Variants in CUBN observed in about 807,000 individuals in gnomAD.
CUBN encodes 460 kDa receptor.
Under a neutral mutation model 405.3 loss-of-function variants are expected in CUBN, and 282 were observed. That is an observed-to-expected ratio of 0.70 (90% confidence interval 0.63 to 0.77). The LOEUF is 0.77. CUBN is among the 30% of genes least tolerant of loss of function. The probability of loss-of-function intolerance (pLI) is 0.00; values close to 1 mark genes in which losing one functional copy is unlikely to be tolerated. For missense variants in CUBN, 4,514 were observed against 4,475.2 expected (o/e 1.01, Z -0.25); for synonymous variants, 1,684 against 1,617.0 (o/e 1.04, Z -0.99).
intron 31 of CUBN, among the ~76,000 whole-genome samples, chr10:16,959,059 T>C (rs1005094132): frequency 6.6e-6 from 1 of 152,068 alleles, no homozygotes; most frequent in African/African-American, 2.4e-5. Flanking sequence ...GCCCTTTTTA[T>C]AGCAACATTA....
intron 55 of CUBN, among the ~76,000 whole-genome samples, chr10:16,889,974 A>G (rs1437807325): frequency 6.7e-6 from 1 of 149,512 alleles, no homozygotes; most frequent in Non-Finnish European, 1.5e-5. Flanking sequence ...TTCGTCATGG[A>G]AATTCTGAAT....
rs1027662397 is a variant in CUBN at position 17,087,296 on chromosome 10, A to G, written c.1947+868T>C. Among the ~76,000 whole-genome samples the G allele has an allele frequency of 2.6e-5, 4 of 152,044 alleles. No homozygotes were observed. The South Asian group carries it at 8.3e-4, about 32-fold the overall frequency. On this transcript the variant is annotated intron_variant, in intron 15 of 66. Coordinates refer to ENST00000377833, the MANE Select transcript of CUBN (RefSeq NM_001081.4). ...AATGAAGAGCAACACTTTTTGATGCACCTACGTACAAACGGCATTTGAATA... is the reference window on the plus strand; with the variant it reads ...AATGAAGAGCAACACTTTTTGATGCGCCTACGTACAAACGGCATTTGAATA...
Position 17,110,907 on chromosome 10 carries a change from C to A in CUBN, c.1015+12G>T, listed in dbSNP as rs1192363800. On this transcript the variant is annotated intron_variant, in intron 9 of 66. Transcript: ENST00000377833. ...CTGGGGTCAGGAGGTTGACATTGAA[C>A]CGAGGCAGCACCTGGTGGACAGGCC... is the stretch of plus-strand genomic sequence containing the variant. 1 of 1,614,034 alleles carries A rather than the reference C, an allele frequency of 6.2e-7. No individual in the cohort carries two copies. The highest frequency in any genetic ancestry group is 8.5e-7 in the Non-Finnish European group (1 of 1,180,038).
intron 62 of CUBN, among the ~76,000 whole-genome samples, chr10:16,839,751 A>G (rs903960577): frequency 1.3e-5 from 2 of 151,054 alleles, no homozygotes; most frequent in African/African-American, 2.4e-5. Context: ...ATGCTGCTAT[A>G]AAGACACATG....
At position 16,840,453 on chromosome 10, in the gene CUBN, A is replaced by C; in HGVS notation, c.9909T>G (p.Phe3303Leu). ...AATCAATGACCCAAGTACAGATGGA[A>C]AATGGGACATCTGGGTCTGATGAAT... ...SPNSSDPDVP[F>L]SICTWVIDSP... The change falls in exon 62 of 67, where the codon TTT (phenylalanine) becomes TTG (leucine). Residue 3303 changes from phenylalanine to leucine, a missense_variant. This residue lies in a region of CUBN where 1,186 missense variants were observed against 1,186.9 expected (regional missense o/e 1.00). Transcript: ENST00000377833. The C allele has an allele frequency of 6.2e-7, 1 of 1,613,986 alleles. No homozygotes were observed. Among genetic ancestry groups the C allele is most frequent in the South Asian group, 1.1e-5 (1 of 91,072 alleles).
rs141479984 is a variant in CUBN, at chr10:17,066,967, A to C, written c.3008+1097T>G. On this transcript the variant is annotated intron_variant, in intron 21 of 66. Coordinates refer to ENST00000377833, the MANE Select transcript of CUBN (RefSeq NM_001081.4). ...GGACAACAAACCTTCAGAGACAGGA[A>C]ACAAATGAGTTTAAAGGCAAAACTG... 2.2e-3 allele frequency among the ~76,000 whole-genome samples: 329 copies of C among 152,284 alleles called. 3 individuals are homozygous for C. Among genetic ancestry groups the C allele is most frequent in the Admixed American group, 0.014 (215 of 15,280 alleles).
chr10:16,866,733 G>A (rs114108747), intron 59 of CUBN, among the ~76,000 whole-genome samples: 7 of 152,134 alleles, frequency 4.6e-5, no homozygotes, highest in East Asian at 1.9e-4. Context: ...TGGAGCACAG[G>A]GGGGAGACAA....
At chr10:17,028,927 A>G (rs536502870) in intron 27 of CUBN, among the ~76,000 whole-genome samples, 8 of 152,322 alleles carry the variant, frequency 5.3e-5, no homozygotes, top group Admixed American at 4.6e-4. Context: ...ATTTTGCTCA[A>G]TGCATGCTTA....
intron 28 of CUBN, among the ~76,000 whole-genome samples, chr10:16,991,303 G>A (rs1263447150): frequency 6.6e-6 from 1 of 152,184 alleles, no homozygotes; most frequent in African/African-American, 2.4e-5. Context: ...GGTAGGTACT[G>A]TTAGGATCCA....
chr10:16,989,359 T>A (rs1188417851), intron 29 of CUBN, among the ~76,000 whole-genome samples: 1 of 148,352 alleles, frequency 6.7e-6, no homozygotes, highest in East Asian at 1.9e-4. Context: ...TCTGTTATAA[T>A]AAATATTAAT....
intron 40 of CUBN, among the ~76,000 whole-genome samples, chr10:16,932,211 G>A (rs878980459): frequency 5.3e-5 from 8 of 152,252 alleles, no homozygotes; most frequent in African/African-American, 1.7e-4. Context: ...TTTCTCACTC[G>A]GCAGGGGTCT....
chr10:16,851,740 CTT>C (rs1839696866), intron 59 of CUBN, among the ~76,000 whole-genome samples: 1 of 132,530 alleles, frequency 7.5e-6, no homozygotes, highest in African/African-American at 2.9e-5. Flanking sequence ...CTCCCTCTAT[CTT>C]TCCCTCCCTC....
intron 54 of CUBN, 23 bp downstream of exon 54, chr10:16,898,973 A>G (rs1476261028): frequency 1.9e-6 from 3 of 1,560,502 alleles, no homozygotes; most frequent in South Asian, 2.2e-5. Flanking sequence ...CTTGGCTCCA[A>G]TTAAATGAAC....
intron 16 of CUBN, among the ~76,000 whole-genome samples, chr10:17,085,285 A>G (rs1392552336): frequency 6.6e-6 from 1 of 152,086 alleles, no homozygotes; most frequent in Non-Finnish European, 1.5e-5. Flanking sequence ...GCATGCACAA[A>G]CCTCTCTCAC....
chr10:16,940,032 T>A lies in CUBN; in HGVS notation c.5548A>T (p.Ile1850Leu), dbSNP rs200277745. 1.6e-5 allele frequency: 25 copies of A among 1,612,466 alleles called. No homozygotes were observed. The highest frequency in any genetic ancestry group is 2.1e-5 in the Non-Finnish European group (25 of 1,178,634). ...TATCACTAAAATAGAAACAACTTAC[T>A]CTTCATAAATGTGGCCTGGAAGCCC... Reference protein sequence around the residue: ...GTGFQATFMKIFGNDNIVGTH... With the variant: ...GTGFQATFMKLFGNDNIVGTH... Residue 1850 changes from isoleucine to leucine, a missense_variant and splice_region_variant, in exon 37 of 67, where the codon ATA (isoleucine) becomes TTA (leucine). Transcript: ENST00000377833.
intron 31 of CUBN, among the ~76,000 whole-genome samples, chr10:16,969,014 A>G (rs902422598): frequency 3.3e-5 from 5 of 152,246 alleles, no homozygotes; most frequent in African/African-American, 1.2e-4. Context: ...CACAATTTCA[A>G]TAGAAGTCAA....
At chr10:16,887,734 A>G (rs947897165) in intron 56 of CUBN, among the ~76,000 whole-genome samples, 3 of 152,238 alleles carry the variant, frequency 2.0e-5, no homozygotes, top group Admixed American at 6.5e-5. Flanking sequence ...CATAGATCCA[A>G]AGGAAATCAA....
Position 16,893,247 on chromosome 10 carries a change from G to GT in CUBN, c.8599-2721dup, listed in dbSNP as rs2131406294. On this transcript the variant is annotated intron_variant, in intron 54 of 66. Transcript: ENST00000377833. ...CATAATTGCAGATTCACATACATTT[G>GT]TAAGATATAATATGGAGAAATTCCT... Among the ~76,000 whole-genome samples, 2 of 152,216 alleles carry GT rather than the reference G, an allele frequency of 1.3e-5. 1 individual carries two copies. Among genetic ancestry groups the GT allele is most frequent in the South Asian group, 4.1e-4 (2 of 4,824 alleles).
chr10:16,922,262 T>C (rs1285946874), intron 43 of CUBN, among the ~76,000 whole-genome samples: 3 of 151,970 alleles, frequency 2.0e-5, no homozygotes, highest in Non-Finnish European at 4.4e-5. Context: ...CTCCTAAGGC[T>C]CCTCCCATCC....
Sources: allele counts gnomAD v4.1 joint callset (sites outside exome capture counted in the v4.1 genomes callset), GRCh38; gene constraint gnomAD v4.1.1; regional missense constraint gnomAD v4.1.1; transcripts MANE v1.5; gene names NCBI Gene and HGNC (gene_info 2026-07-23, HGNC 2026-07-21).